The following EMC8 variants were observed in gnomAD, a reference collection of about 807,000 sequenced individuals.
The protein encoded by EMC8 is ER membrane protein complex subunit 8, also known as COX4 neighbor.
A neutral mutation model predicts 24.3 loss-of-function variants in EMC8; 11 were observed. The ratio of observed to expected loss-of-function variants is 0.45; its 90% confidence interval spans 0.28 to 0.75. EMC8 has a LOEUF of 0.75. Among genes scored for constraint, EMC8 ranks in the 30% least tolerant of loss-of-function variants. The probability of loss-of-function intolerance (pLI) is 0.12; values close to 1 mark genes in which losing one functional copy is unlikely to be tolerated. For missense variants in EMC8, 277 were observed against 282.7 expected (o/e 0.98, Z 0.14); for synonymous variants, 145 against 117.7 (o/e 1.23, Z -1.50).
intron 2 of EMC8, among the ~76,000 whole-genome samples, chr16:85,783,656 G>C (rs899102684): frequency 6.6e-6 from 1 of 152,176 alleles, no homozygotes; most frequent in Non-Finnish European, 1.5e-5. Flanking sequence ...TGCAGCCACA[G>C]GGGCAATGCT....
At chr16:85,798,980 G>C (rs1905431709) in intron 1 of EMC8, 85 bp downstream of exon 1, 9 of 997,960 alleles carry the variant, frequency 9.0e-6, no homozygotes, top group African/African-American at 3.2e-5. Context: ...GCCTGCTGGA[G>C]GGCGACCGCT....
intron 1 of EMC8, among the ~76,000 whole-genome samples, chr16:85,794,550 G>A (rs1168664574): frequency 2.6e-5 from 4 of 152,146 alleles, no homozygotes; most frequent in African/African-American, 7.2e-5. Context: ...TCAGCCGTGC[G>A]TGGCGGTGTG....
intron 4 of EMC8, chr16:85,780,174 G>T (rs1904420660): frequency 2.1e-5 from 13 of 605,688 alleles, no homozygotes; most frequent in Admixed American, 2.9e-5. Flanking sequence ...TAGCGCCTGG[G>T]GTGGGAAGAC....
chr16:85,785,601 G>A (rs953733675), intron 2 of EMC8, among the ~76,000 whole-genome samples: 4 of 152,150 alleles, frequency 2.6e-5, no homozygotes, highest in Non-Finnish European at 5.9e-5. Flanking sequence ...AAAAAAATGT[G>A]TAGTTAATGA....
At chr16:85,784,401 A>T (rs1904654052) in intron 2 of EMC8, 1 of 152,242 alleles carries the variant, frequency 6.6e-6, no homozygotes, top group Non-Finnish European at 1.5e-5. Flanking sequence ...TAGGCTAAAA[A>T]AAATTAATAA....
At chr16:85,795,762 T>A (rs1218687069) in intron 1 of EMC8, among the ~76,000 whole-genome samples, 1 of 152,154 alleles carries the variant, frequency 6.6e-6, no homozygotes, top group Non-Finnish European at 1.5e-5. Flanking sequence ...AGCAAATTAA[T>A]CAAATCCAAA....
chr16:85,789,023 A>G lies in EMC8; in HGVS notation c.259T>C (p.Tyr87His), dbSNP rs1904884103. 1 of 1,613,886 alleles carries G rather than the reference A, an allele frequency of 6.2e-7. No individual in the cohort carries two copies. Among genetic ancestry groups the G allele is most frequent in the Non-Finnish European group, 8.5e-7 (1 of 1,179,724 alleles). The change falls in exon 2 of 5, where the codon TAC (tyrosine) becomes CAC (histidine). Residue 87 changes from tyrosine to histidine, a missense_variant. Physicochemically the swap from Tyr to His is moderately conservative, Grantham distance 83 (BLOSUM62 2). Transcript: ENST00000253457. ...LIDSWCKDHS[Y>H]VIAGYYQANE... Reference sequence around the variant, plus strand: ...GCTTGATAATAACCAGCAATCACGTAGCTATGATCTTTGCACCATGAATCA... The same window carrying G: ...GCTTGATAATAACCAGCAATCACGTGGCTATGATCTTTGCACCATGAATCA...
At chr16:85,798,184 T>C (rs1021591275) in intron 1 of EMC8, among the ~76,000 whole-genome samples, 3 of 135,334 alleles carry the variant, frequency 2.2e-5, no homozygotes, top group African/African-American at 5.7e-5. Context: ...TGCAGTGGCG[T>C]GATCTCGGCT....
intron 4 of EMC8, 159 bp from the exon 5 acceptor site, chr16:85,780,026 G>A (rs1052772199): frequency 4.7e-6 from 3 of 631,796 alleles, no homozygotes; most frequent in Non-Finnish European, 8.3e-6. Context: ...GAGGTATACA[G>A]AGCATAGAAG....
intron 1 of EMC8, among the ~76,000 whole-genome samples, chr16:85,789,579 G>T (rs918580251): frequency 1.3e-5 from 2 of 151,922 alleles, no homozygotes; most frequent in African/African-American, 4.8e-5. Flanking sequence ...ATCACCTGAG[G>T]TCAAGAGTTC....
At chr16:85,787,785 T>C (rs1487988657) in intron 2 of EMC8, among the ~76,000 whole-genome samples, 1 of 152,222 alleles carries the variant, frequency 6.6e-6, no homozygotes, top group Non-Finnish European at 1.5e-5. Flanking sequence ...CTAGGACATC[T>C]GCCTCCCTCA....
At chr16:85,780,915 T>C (rs73259010) in intron 3 of EMC8, 6,790 of 488,112 alleles carry the variant, frequency 0.014, 376 homozygotes, top group African/African-American at 0.12. Context: ...AACCCCCGCA[T>C]TTCTGATTCA....
In EMC8 at chr16:85,799,411, C is replaced by G; in HGVS notation, c.-116G>C. The G allele has an allele frequency of 1.7e-6, 1 of 579,802 alleles. No individual in the cohort carries two copies. Among genetic ancestry groups the G allele is most frequent in the Non-Finnish European group, 2.7e-6 (1 of 368,622 alleles). The allele number at this position is 579,802 out of a possible 1,614,324, so 35.9% of individuals were successfully genotyped here. The stretch of plus-strand genomic sequence containing the variant: ...GACGAGGCGGCGGCGATTGATGGCG[C>G]GGCCGCGGGCTGGCGGGGGACCCTT... On this transcript the variant is annotated 5_prime_UTR_variant, in exon 1 of 5. Transcript: ENST00000253457. This position sits in a 1 kb window ranked among gnomAD's most constrained non-coding sequence, Gnocchi z 4.2.
At chr16:85,797,275 G>A (rs1428830990) in intron 1 of EMC8, among the ~76,000 whole-genome samples, 1 of 152,200 alleles carries the variant, frequency 6.6e-6, no homozygotes, top group Non-Finnish European at 1.5e-5. Flanking sequence ...GGGTGTGGTG[G>A]TGGACGCCTG....
intron 2 of EMC8, among the ~76,000 whole-genome samples, chr16:85,783,164 G>A (rs1904589470): frequency 6.6e-6 from 1 of 152,180 alleles, no homozygotes; most frequent in Non-Finnish European, 1.5e-5. Flanking sequence ...CTAGCTGGGT[G>A]TGGTGATGCA....
chr16:85,782,452 G>C (rs113173235), intron 2 of EMC8, among the ~76,000 whole-genome samples: 2,042 of 152,292 alleles, frequency 0.013, 30 homozygotes, highest in South Asian at 0.041. Context: ...ATGCCAGGAA[G>C]GGGCCTTCTC....
chr16:85,779,619 G>C lies in EMC8; in HGVS notation c.*89C>G. ...CTTAAAACGGTCAGCTTTCCACACA[G>C]GCTACAAGATATTTTATTTACATTT... is the stretch of plus-strand genomic sequence containing the variant. On this transcript the variant is annotated 3_prime_UTR_variant, in exon 5 of 5. Transcript: ENST00000253457. 1 of 1,377,170 alleles carries C rather than the reference G, an allele frequency of 7.3e-7. No homozygotes were observed. The highest frequency in any genetic ancestry group is 1.0e-6 in the Non-Finnish European group (1 of 978,772). 85.3% of individuals were successfully genotyped at this position (1,377,170 alleles called of 1,614,324 possible).
chr16:85,788,836 T>C, intron 2 of EMC8, 138 bp downstream of exon 2: 2 of 691,750 alleles, frequency 2.9e-6, no homozygotes, highest in South Asian at 3.2e-5. Flanking sequence ...ACAGTTCGCC[T>C]CAAATACTAC....
In EMC8 at chr16:85,798,579, T is replaced by C. The variant is rs751594018; in HGVS notation, c.231+486A>G. ...ACACAGATCTGACCATGCAACTACC[T>C]TTCTACAAGTGTCTGAGCTCCGGGG... On this transcript the variant is annotated intron_variant, in intron 1 of 4. Transcript: ENST00000253457. The C allele has an allele frequency of 2.5e-5, 4 of 157,436 alleles. No individual in the cohort carries two copies. The East Asian group carries it at 7.5e-4, about 30-fold the overall frequency. The allele number at this position is 157,436 out of a possible 1,614,324, so 9.8% of individuals were successfully genotyped here.
Sources: gnomAD v4.1 joint callset for allele counts (sites outside exome capture counted in the v4.1 genomes callset) on GRCh38, gnomAD v4.1.1 for gene constraint, Gnocchi (gnomAD v3.1) non-coding constraint, MANE v1.5 for transcripts, NCBI Gene and HGNC (gene_info 2026-07-23, HGNC 2026-07-21) for gene names.